SPOCK3: variants seen among roughly 807,000 people sequenced by gnomAD.
SPOCK3 encodes testican-3.
Under a neutral mutation model 56.6 loss-of-function variants are expected in SPOCK3, and 30 were observed. That is an observed-to-expected ratio of 0.53 (90% CI 0.40 to 0.72). SPOCK3 has a LOEUF of 0.72. Among genes scored for constraint, SPOCK3 ranks in the 30% least tolerant of loss-of-function variants. The pLI is 0.00. For synonymous variants in SPOCK3, 196 were observed against 183.3 expected (o/e 1.07, Z -0.56); for missense variants, 527 against 530.0 (o/e 0.99, Z 0.06).
chr4:167,189,449 T>G (rs151096357), intron 2 of SPOCK3, among the ~76,000 whole-genome samples: 1 of 145,740 alleles, frequency 6.9e-6, no homozygotes, highest in East Asian at 2.1e-4. Context: ...TTTAAAGGCA[T>G]TCATCAGTCC....
chr4:167,021,216 A>G (rs370150224), intron 3 of SPOCK3, among the ~76,000 whole-genome samples: 4 of 152,218 alleles, frequency 2.6e-5, no homozygotes, highest in South Asian at 4.1e-4. Context: ...CTATAGCAAA[A>G]ACATAGAAAA....
intron 5 of SPOCK3, among the ~76,000 whole-genome samples, chr4:166,908,271 T>TTC (rs1469659144): frequency 1.5e-4 from 20 of 132,722 alleles, no homozygotes; most frequent in African/African-American, 6.2e-4. Flanking sequence ...AATGTTATTG[T>TTC]TCACACACAC....
intron 4 of SPOCK3, among the ~76,000 whole-genome samples, chr4:166,943,536 T>A (rs1240002188): frequency 4.6e-5 from 7 of 152,204 alleles, no homozygotes; most frequent in African/African-American, 1.7e-4. Context: ...AATGTCAGGC[T>A]AAAAACCTCA....
chr4:167,176,742 A>G (rs1731020624), intron 2 of SPOCK3, among the ~76,000 whole-genome samples: 1 of 152,112 alleles, frequency 6.6e-6, no homozygotes, highest in African/African-American at 2.4e-5. Flanking sequence ...GGGTAGAAAT[A>G]AGACTGTTCA....
chr4:167,084,837 A>T (rs912568653), intron 2 of SPOCK3, among the ~76,000 whole-genome samples: 1 of 152,126 alleles, frequency 6.6e-6, no homozygotes, highest in African/African-American at 2.4e-5. Flanking sequence ...CGACAATGTG[A>T]TTTATAAATA....
intron 2 of SPOCK3, among the ~76,000 whole-genome samples, chr4:167,103,756 C>T (rs1036377625): frequency 2.0e-5 from 3 of 152,100 alleles, no homozygotes; most frequent in Non-Finnish European, 1.5e-5. Flanking sequence ...AGGCAGTAGC[C>T]AGGTAGCGGT....
intron 4 of SPOCK3, among the ~76,000 whole-genome samples, chr4:166,961,085 G>A (rs974021768): frequency 6.6e-6 from 1 of 151,940 alleles, no homozygotes; most frequent in African/African-American, 2.4e-5. Context: ...GGAAAGACAG[G>A]CAAATGATAT....
At chr4:166,789,931 T>G (rs1225667266) in intron 7 of SPOCK3, among the ~76,000 whole-genome samples, 1 of 152,192 alleles carries the variant, frequency 6.6e-6, no homozygotes, top group African/African-American at 2.4e-5. Flanking sequence ...TTGCTTCCAC[T>G]GCTTGTAATC....
intron 5 of SPOCK3, among the ~76,000 whole-genome samples, chr4:166,898,133 A>G (rs1424037804): frequency 1.3e-5 from 2 of 152,130 alleles, no homozygotes; most frequent in East Asian, 3.9e-4. Flanking sequence ...CCGGAATTCC[A>G]GGCTGCAGTG....
intron 4 of SPOCK3, among the ~76,000 whole-genome samples, chr4:166,923,990 G>A (rs1261632119): frequency 2.0e-5 from 3 of 152,156 alleles, no homozygotes; most frequent in Admixed American, 2.0e-4. Context: ...GCATTTAGCA[G>A]TCGTGGTCAC....
intron 4 of SPOCK3, among the ~76,000 whole-genome samples, chr4:166,981,999 T>C (rs192942065): frequency 4.6e-5 from 7 of 152,328 alleles, no homozygotes; most frequent in African/African-American, 1.4e-4. Flanking sequence ...CTTCTGAGTC[T>C]GTGGGAACAG....
Position 166,916,562 on chromosome 4 carries a change from C to A in SPOCK3, c.351-3819G>T, listed in dbSNP as rs1247642328. Among the ~76,000 whole-genome samples the A allele has an allele frequency of 3.3e-5, 5 of 152,038 alleles. No homozygotes were observed. In the South Asian group the frequency reaches 1.0e-3, roughly 31 times the overall value. ...TTTAAGTTAATCATGTTCATTTTAACAAAATAATTTGAACAAAACTTCCAT... is the reference window on the plus strand; with the variant it reads ...TTTAAGTTAATCATGTTCATTTTAAAAAAATAATTTGAACAAAACTTCCAT... On this transcript the variant is annotated intron_variant, in intron 4 of 10. Transcript: ENST00000357545.
chr4:167,103,657 G>A (rs948907854), intron 2 of SPOCK3, among the ~76,000 whole-genome samples: 1 of 152,138 alleles, frequency 6.6e-6, no homozygotes, highest in Non-Finnish European at 1.5e-5. Flanking sequence ...CTGAGGCCTG[G>A]GGAAACTCAC....
At chr4:166,993,769 G>A (rs1748056676) in intron 4 of SPOCK3, among the ~76,000 whole-genome samples, 2 of 152,124 alleles carry the variant, frequency 1.3e-5, no homozygotes, top group Non-Finnish European at 2.9e-5. Flanking sequence ...CGTGCTATGG[G>A]CACAAAGATG....
At chr4:166,806,388 CCCTG>C (rs1235955349) in intron 6 of SPOCK3, among the ~76,000 whole-genome samples, 1 of 151,918 alleles carries the variant, frequency 6.6e-6, no homozygotes, top group East Asian at 1.9e-4. Flanking sequence ...AAGGTCATCT[CCCTG>C]GAGATTGTTT....
intron 2 of SPOCK3, among the ~76,000 whole-genome samples, chr4:167,232,893 C>T (rs2111188601): frequency 6.6e-6 from 1 of 152,224 alleles, no homozygotes; most frequent in South Asian, 2.1e-4. Flanking sequence ...AGCCTAGGCT[C>T]CCTTTTATTT....
intron 6 of SPOCK3, among the ~76,000 whole-genome samples, chr4:166,804,376 C>G (rs1377178992): frequency 1.3e-5 from 2 of 152,036 alleles, no homozygotes; most frequent in Non-Finnish European, 2.9e-5. Context: ...CCCATGTGAC[C>G]TCATATTACC....
chr4:167,045,239 G>A (rs1252244159), intron 3 of SPOCK3, among the ~76,000 whole-genome samples: 1 of 151,880 alleles, frequency 6.6e-6, no homozygotes, highest in African/African-American at 2.4e-5. Flanking sequence ...TGTGAGTATG[G>A]TATATCTTTC....
chr4:166,960,665 A>C (rs1744037861), intron 4 of SPOCK3, among the ~76,000 whole-genome samples: 1 of 152,218 alleles, frequency 6.6e-6, no homozygotes, highest in Non-Finnish European at 1.5e-5. Flanking sequence ...GATAAGCTAA[A>C]TCAATGCTTG....
Sources: gnomAD v4.1 joint callset for allele counts (sites outside exome capture counted in the v4.1 genomes callset) on GRCh38, gnomAD v4.1.1 for gene constraint, MANE v1.5 for transcripts, NCBI Gene and HGNC (gene_info 2026-07-23, HGNC 2026-07-21) for gene names.